The following DCAF8L2 variants were observed in gnomAD, a reference collection of about 807,000 sequenced individuals.
DCAF8L2 encodes DDB1- and CUL4-associated factor 8-like protein 2.
For missense variants in DCAF8L2, 430 were observed against 490.7 expected (o/e 0.88, Z 1.17); for synonymous variants, 200 against 190.9 (o/e 1.05, Z -0.39).
the DCAF8L2 span, among the ~76,000 whole-genome samples, chrX:27,581,127 G>T: frequency 9.0e-6 from 1 of 111,637 alleles, no homozygotes; most frequent in African/African-American, 3.3e-5. Context: ...AATGTTCAGT[G>T]ACCTTATACG....
At chrX:27,586,624 C>T (rs1925909230), upstream of DCAF8L2, among the ~76,000 whole-genome samples, 1 of 111,137 alleles carries the variant, frequency 9.0e-6, no homozygotes, top group African/African-American at 3.3e-5. Flanking sequence ...CCTGAAATTG[C>T]TTGTTAAATT....
intron 3 of DCAF8L2, among the ~76,000 whole-genome samples, chrX:27,697,526 T>C (rs1276004850): frequency 9.0e-6 from 1 of 111,523 alleles, no homozygotes; most frequent in Non-Finnish European, 1.9e-5. Context: ...TTGTAACATT[T>C]TTCAGGAACT....
intron 2 of DCAF8L2, chrX:27,632,809 A>G (rs1211036288): frequency 9.0e-6 from 1 of 111,341 alleles, no homozygotes; most frequent in Non-Finnish European, 1.9e-5. Flanking sequence ...TACTACAGCA[A>G]TCATCAGTTG....
the DCAF8L2 span, among the ~76,000 whole-genome samples, chrX:27,533,158 GAGAGAGAGAAAGAAAGAAAGAA>G: frequency 4.9e-5 from 1 of 20,509 alleles, no homozygotes. Context: ...GAGAGAGAGA[GAGAGAGAGAAAGAAAGAAAGAA>G]AGAAAGAAAG....
At chrX:27,512,979 T>C in the DCAF8L2 span, among the ~76,000 whole-genome samples, 1 of 110,192 alleles carries the variant, frequency 9.1e-6, no homozygotes, top group African/African-American at 3.3e-5. Flanking sequence ...AAAATGCCAA[T>C]AACAGACATG....
the DCAF8L2 span, among the ~76,000 whole-genome samples, chrX:27,557,624 A>G: frequency 8.1e-5 from 9 of 111,434 alleles, no homozygotes; most frequent in African/African-American, 2.9e-4. Context: ...TGCTTTTCAG[A>G]GTATCTCATG....
the DCAF8L2 span, among the ~76,000 whole-genome samples, chrX:27,580,670 A>G: frequency 8.9e-6 from 1 of 111,925 alleles, no homozygotes; most frequent in African/African-American, 3.3e-5. Flanking sequence ...AGGGCTTAAT[A>G]CATAATTGAT....
At chrX:27,562,083 C>A in the DCAF8L2 span, among the ~76,000 whole-genome samples, 1 of 111,853 alleles carries the variant, frequency 8.9e-6, no homozygotes, top group Non-Finnish European at 1.9e-5. Flanking sequence ...TATTGTATTT[C>A]TTTTTCATTA....
intron 1 of DCAF8L2, among the ~76,000 whole-genome samples, chrX:27,611,633 C>T (rs1472248600): frequency 9.2e-6 from 1 of 109,188 alleles, no homozygotes; most frequent in Non-Finnish European, 1.9e-5. Flanking sequence ...GTGATGTTCC[C>T]TGCCCTGTGT....
chrX:27,592,418 T>G (rs1035875199), intron 1 of DCAF8L2, among the ~76,000 whole-genome samples: 1 of 19,054 alleles, frequency 5.2e-5, no homozygotes, highest in African/African-American at 1.2e-4. Context: ...TTTGTTTTTG[T>G]TTTTTTTTTT....
At chrX:27,528,067 T>C in the DCAF8L2 span, among the ~76,000 whole-genome samples, 2 of 105,839 alleles carry the variant, frequency 1.9e-5, no homozygotes, top group Non-Finnish European at 3.9e-5. Context: ...ATTAAATTTT[T>C]AATTTAATTA....
chrX:27,549,992 T>C, the DCAF8L2 span, among the ~76,000 whole-genome samples: 1 of 112,264 alleles, frequency 8.9e-6, no homozygotes, highest in Admixed American at 9.5e-5. Flanking sequence ...GATGCTTCTG[T>C]TGCAACTTTA....
rs866243275 is a variant in DCAF8L2 at position 27,747,246 on chromosome X, C to G, written c.351C>G (p.Asp117Glu). 1.8e-6 allele frequency: 2 copies of G among 1,130,389 alleles called. No individual in the cohort carries two copies. Among genetic ancestry groups the G allele is most frequent in the Admixed American group, 2.9e-5 (1 of 34,878 alleles). 93.2% of individuals were successfully genotyped at this position (1,130,389 alleles called of 1,213,427 possible). A position where few individuals can be genotyped will look rare whatever the true frequency, so the allele number is the denominator to read the frequency against. ...GEEETEREEE[D>E]EEIQEEGGEE... ...AGGAGACAGAAAGGGAGGAGGAAGA[C>G]GAAGAGATACAAGAGGAGGGAGGGG... The change falls in exon 5 of 5, where the codon GAC becomes GAG. Residue 117 changes from aspartate to glutamate, a missense_variant. Asp to Glu is a conservative substitution (Grantham distance 45, BLOSUM62 2). Transcript: ENST00000451261.
chrX:27,659,176 AC>A (rs1929465371), intron 2 of DCAF8L2, among the ~76,000 whole-genome samples: 1 of 112,027 alleles, frequency 8.9e-6, no homozygotes, highest in Non-Finnish European at 1.9e-5. Flanking sequence ...CTAATACTGA[AC>A]CCTATGTTGT....
chrX:27,472,130 A>G, the DCAF8L2 span, among the ~76,000 whole-genome samples: 1 of 111,804 alleles, frequency 8.9e-6, no homozygotes, highest in African/African-American at 3.2e-5. Flanking sequence ...CTTTGCTACA[A>G]GACACATCAC....
intron 4 of DCAF8L2, among the ~76,000 whole-genome samples, chrX:27,716,850 C>A (rs1181440341): frequency 8.9e-6 from 1 of 111,782 alleles, no homozygotes; most frequent in African/African-American, 3.3e-5. Context: ...TTAAGCCCAG[C>A]ATGCATTAGC....
chrX:27,656,052 A>G (rs182077838), intron 2 of DCAF8L2, among the ~76,000 whole-genome samples: 2 of 111,639 alleles, frequency 1.8e-5, no homozygotes, highest in East Asian at 2.8e-4. Context: ...AATGCTTGCA[A>G]TTCCTTCTGA....
chrX:27,650,472 T>G (rs1446020574), intron 2 of DCAF8L2, among the ~76,000 whole-genome samples: 3 of 112,230 alleles, frequency 2.7e-5, no homozygotes, highest in Admixed American at 1.9e-4. Flanking sequence ...TATGACTAAT[T>G]TTAGCAGTGT....
chrX:27,645,122 G>A (rs776229562), intron 2 of DCAF8L2, among the ~76,000 whole-genome samples: 1 of 111,684 alleles, frequency 9.0e-6, no homozygotes. Context: ...AACAGAAAAA[G>A]AAAACTTCAG....
Sources: allele counts gnomAD v4.1 joint callset (sites outside exome capture counted in the v4.1 genomes callset), GRCh38; gene constraint gnomAD v4.1.1; transcripts MANE v1.5; gene names NCBI Gene and HGNC (gene_info 2026-07-23, HGNC 2026-07-21).